Variants in SPOCK1 observed in about 807,000 individuals in gnomAD.
SPOCK1 encodes the protein testican-1.
In SPOCK1, 23 loss-of-function variants were observed where a neutral mutation model predicts 55.3. That is an observed-to-expected ratio of 0.42 (90% CI 0.30 to 0.59). The LOEUF is 0.59. Among genes scored for constraint, SPOCK1 ranks in the 20% least tolerant of loss-of-function variants. The probability of loss-of-function intolerance (pLI) is 0.22; values close to 1 mark genes in which losing one functional copy is unlikely to be tolerated. For missense variants in SPOCK1, 499 were observed against 552.5 expected (o/e 0.90, Z 0.97); for synonymous variants, 226 against 221.0 (o/e 1.02, Z -0.20).
intron 5 of SPOCK1, among the ~76,000 whole-genome samples, chr5:137,069,781 TA>T (rs1442876775): frequency 6.6e-6 from 1 of 152,250 alleles, no homozygotes; most frequent in Non-Finnish European, 1.5e-5. Context: ...TCTGGCTTAT[TA>T]AAAGAATCCT....
rs890605017 is a variant in SPOCK1, at chr5:137,067,583, T to C, written c.589+132A>G. ...CAATTCGGTTTAGGGTCCCTAAATCTGGAGTACTTACCTGTCATGTCTGCT... is the reference window on the plus strand; with the variant it reads ...CAATTCGGTTTAGGGTCCCTAAATCCGGAGTACTTACCTGTCATGTCTGCT... On this transcript the variant is annotated intron_variant, in intron 6 of 10. Coordinates refer to ENST00000394945, the MANE Select transcript of SPOCK1 (RefSeq NM_004598.4). 59 of 684,778 alleles carry C rather than the reference T, an allele frequency of 8.6e-5. No homozygotes were observed. In the African/African-American group the frequency reaches 1.0e-3, roughly 12 times the overall value. The allele number at this position is 684,778 out of a possible 1,614,324, so 42.4% of individuals were successfully genotyped here. A position where few individuals can be genotyped will look rare whatever the true frequency, so the allele number is the denominator to read the frequency against.
chr5:137,020,012 T>C (rs1448375838), intron 6 of SPOCK1, among the ~76,000 whole-genome samples: 5 of 151,906 alleles, frequency 3.3e-5, no homozygotes, highest in Admixed American at 6.6e-5. Context: ...AAAGTATGCA[T>C]GCCAAAATCT....
chr5:137,228,943 G>A (rs1251608683), intron 3 of SPOCK1, among the ~76,000 whole-genome samples: 1 of 152,170 alleles, frequency 6.6e-6, no homozygotes, highest in Non-Finnish European at 1.5e-5. Flanking sequence ...GAATTTGTTA[G>A]AACTTACCCT....
At chr5:137,429,382 A>G (rs1199525261) in intron 2 of SPOCK1, among the ~76,000 whole-genome samples, 1 of 152,204 alleles carries the variant, frequency 6.6e-6, no homozygotes, top group Non-Finnish European at 1.5e-5. Context: ...CTCTCATTAC[A>G]TAATACATTA....
intron 2 of SPOCK1, among the ~76,000 whole-genome samples, chr5:137,369,022 C>T (rs895412975): frequency 6.6e-5 from 10 of 152,220 alleles, no homozygotes; most frequent in Admixed American, 1.3e-4. Context: ...CTCGTTCTTT[C>T]CCATCCGGCC....
At chr5:137,323,285 T>C (rs1434133403) in intron 2 of SPOCK1, among the ~76,000 whole-genome samples, 1 of 152,248 alleles carries the variant, frequency 6.6e-6, no homozygotes, top group Non-Finnish European at 1.5e-5. Flanking sequence ...TTGCTTATTT[T>C]AGATTTTAGG....
rs553530624 is a variant in SPOCK1 at position 137,162,901 on chromosome 5, G to A, written c.233-22207C>T. 7.2e-5 allele frequency among the ~76,000 whole-genome samples: 11 copies of A among 152,292 alleles called. No homozygotes were observed. The South Asian group carries it at 2.1e-3, about 29-fold the overall frequency. On this transcript the variant is annotated intron_variant, in intron 3 of 10. Coordinates refer to ENST00000394945, the MANE Select transcript of SPOCK1 (RefSeq NM_004598.4). ...GAGAGCCTACTTATTCCACATCAGC[G>A]TTGGAAGGGTCTTTAAGAAATTACA...
At chr5:137,338,812 G>A (rs1205932936) in intron 2 of SPOCK1, among the ~76,000 whole-genome samples, 4 of 152,098 alleles carry the variant, frequency 2.6e-5, no homozygotes, top group Non-Finnish European at 5.9e-5. Flanking sequence ...CCGCATAAAT[G>A]TCTTCTTTTG....
At chr5:137,286,507 C>T (rs928964498) in intron 2 of SPOCK1, among the ~76,000 whole-genome samples, 1 of 152,182 alleles carries the variant, frequency 6.6e-6, no homozygotes, top group African/African-American at 2.4e-5. Context: ...TGGAGCAGGT[C>T]TGCACTCACC....
intron 2 of SPOCK1, among the ~76,000 whole-genome samples, chr5:137,387,776 G>T (rs1329259320): frequency 2.0e-5 from 3 of 152,124 alleles, no homozygotes; most frequent in Non-Finnish European, 4.4e-5. Flanking sequence ...GTTGATAATA[G>T]CTCAGGCTGT....
At chr5:137,348,723 G>C (rs1750613912) in intron 2 of SPOCK1, among the ~76,000 whole-genome samples, 2 of 152,168 alleles carry the variant, frequency 1.3e-5, no homozygotes, top group Admixed American at 6.5e-5. Context: ...GTGTTGCCAA[G>C]GGTAGTCCAG....
intron 4 of SPOCK1, among the ~76,000 whole-genome samples, chr5:137,113,004 C>T (rs762402006): frequency 6.6e-6 from 1 of 152,160 alleles, no homozygotes; most frequent in Non-Finnish European, 1.5e-5. Flanking sequence ...ACTCAATGAG[C>T]GCTTTAGACA....
At chr5:137,215,912 T>C (rs1049119261) in intron 3 of SPOCK1, among the ~76,000 whole-genome samples, 20 of 152,202 alleles carry the variant, frequency 1.3e-4, no homozygotes, top group Non-Finnish European at 2.9e-4. Flanking sequence ...AAGAAACTAG[T>C]GTTTAAAGAG....
intron 6 of SPOCK1, among the ~76,000 whole-genome samples, chr5:137,054,145 T>C (rs1752260347): frequency 6.6e-6 from 1 of 152,166 alleles, no homozygotes; most frequent in Admixed American, 6.5e-5. Flanking sequence ...GCCACTTTCA[T>C]AATTATCTCA....
intron 4 of SPOCK1, among the ~76,000 whole-genome samples, chr5:137,116,849 A>G (rs1348783260): frequency 6.6e-6 from 1 of 151,728 alleles, no homozygotes; most frequent in Non-Finnish European, 1.5e-5. Context: ...GCTCTTTCCC[A>G]TGTGCCATCA....
intron 2 of SPOCK1, among the ~76,000 whole-genome samples, chr5:137,310,263 G>C (rs990872294): frequency 6.6e-6 from 1 of 152,148 alleles, no homozygotes; most frequent in African/African-American, 2.4e-5. Context: ...TCTATAAATA[G>C]AAGTTCCTGT....
chr5:137,189,268 T>C (rs1381786596), intron 3 of SPOCK1, among the ~76,000 whole-genome samples: 1 of 152,236 alleles, frequency 6.6e-6, no homozygotes, highest in Non-Finnish European at 1.5e-5. Context: ...GAAGAAGCCA[T>C]GTTGGACTTT....
chr5:137,295,555 T>C (rs73789905), intron 2 of SPOCK1, among the ~76,000 whole-genome samples: 1,590 of 152,310 alleles, frequency 0.01, 34 homozygotes, highest in African/African-American at 0.036. Context: ...AATTTTACAA[T>C]TGCAATGAAG....
intron 6 of SPOCK1, among the ~76,000 whole-genome samples, chr5:136,995,706 C>A (rs1446330947): frequency 1.3e-5 from 2 of 152,112 alleles, no homozygotes; most frequent in African/African-American, 4.8e-5. Flanking sequence ...TTAACTAAAC[C>A]CTGACAGATG....
Sources: gnomAD v4.1 joint callset for allele counts (sites outside exome capture counted in the v4.1 genomes callset) on GRCh38, gnomAD v4.1.1 for gene constraint, MANE v1.5 for transcripts, NCBI Gene and HGNC (gene_info 2026-07-23, HGNC 2026-07-21) for gene names.